The following GRID2 variants were observed in gnomAD, a reference collection of about 807,000 sequenced individuals.
The protein encoded by GRID2 is glutamate receptor ionotropic, delta-2.
GRID2 carries 33 observed loss-of-function variants against 114.8 expected under a neutral mutation model. The observed-to-expected ratio is 0.29, with a 90% CI of 0.22 to 0.38. The LOEUF is 0.38. GRID2 is among the 10% of genes least tolerant of loss of function. The pLI is 1.00. For synonymous variants in GRID2, 505 were observed against 449.9 expected, an observed-to-expected ratio of 1.12 and a Z score of -1.55; for missense variants, 1,184 against 1,257.7, an observed-to-expected ratio of 0.94 and a Z score of 0.89.
At chr4:92,457,598 C>T (rs931519535) in intron 1 of GRID2, among the ~76,000 whole-genome samples, 7 of 152,142 alleles carry the variant, frequency 4.6e-5, no homozygotes, top group African/African-American at 1.7e-4. Context: ...ATAACTTACT[C>T]ATTATAATTT....
rs140671295 is a variant in GRID2, at chr4:92,888,572, C to T, written c.245-196423C>T. Among the ~76,000 whole-genome samples, 7 of 152,002 alleles carry T rather than the reference C, an allele frequency of 4.6e-5. No homozygotes were observed. In the East Asian group the frequency reaches 1.4e-3, roughly 29 times the overall value. ...CTGGGGGGATGAAACTAACGTCTTTCAGTAAGTAAATGTTTAATTTTACAC... is the reference window on the plus strand; with the variant it reads ...CTGGGGGGATGAAACTAACGTCTTTTAGTAAGTAAATGTTTAATTTTACAC... On this transcript the variant is annotated intron_variant, in intron 2 of 15. Transcript: ENST00000282020.
chr4:92,408,223 T>G (rs1447433477), intron 1 of GRID2, among the ~76,000 whole-genome samples: 2 of 152,172 alleles, frequency 1.3e-5, no homozygotes, highest in East Asian at 1.9e-4. Context: ...TTGCTTATTT[T>G]TATTGATTTT....
At chr4:93,171,548 T>C (rs1738821452) in intron 4 of GRID2, among the ~76,000 whole-genome samples, 1 of 152,204 alleles carries the variant, frequency 6.6e-6, no homozygotes, top group Non-Finnish European at 1.5e-5. Context: ...GTAAGCTTCA[T>C]GAACAAACAG....
In GRID2 at chr4:92,531,923, C is replaced by T. The variant is rs985548418; in HGVS notation, c.89-58208C>T. Among the ~76,000 whole-genome samples the T allele has an allele frequency of 5.9e-5, 9 of 152,204 alleles. No homozygotes were observed. The South Asian group carries it at 1.0e-3, about 18-fold the overall frequency. ...ACTTATGTTTAGAGCAGCTCATTAA[C>T]GCAGGCCCTACTAGCAAATATCTTT... is the stretch of plus-strand genomic sequence containing the variant. On this transcript the variant is annotated intron_variant, in intron 1 of 15. Transcript: ENST00000282020.
intron 1 of GRID2, among the ~76,000 whole-genome samples, chr4:92,586,354 C>T (rs1217424469): frequency 7.9e-6 from 1 of 125,976 alleles, no homozygotes; most frequent in Non-Finnish European, 1.7e-5. Context: ...CACAAAAAAT[C>T]TACACACACA....
intron 2 of GRID2, among the ~76,000 whole-genome samples, chr4:92,844,040 TAAAA>T (rs548936919): frequency 6.6e-6 from 1 of 152,114 alleles, no homozygotes; most frequent in Non-Finnish European, 1.5e-5. Flanking sequence ...ACTGATTTAA[TAAAA>T]AAACTTTATT....
intron 2 of GRID2, among the ~76,000 whole-genome samples, chr4:92,682,617 CA>C (rs1410219023): frequency 6.6e-6 from 1 of 151,890 alleles, no homozygotes; most frequent in Non-Finnish European, 1.5e-5. Flanking sequence ...AAGAGACACC[CA>C]GGGGCAATCA....
intron 8 of GRID2, among the ~76,000 whole-genome samples, chr4:93,241,859 G>T (rs1035995538): frequency 1.3e-5 from 2 of 151,648 alleles, no homozygotes; most frequent in Non-Finnish European, 2.9e-5. Context: ...TTGTGAAGTT[G>T]TTGGGAGAGA....
chr4:92,854,841 T>C (rs1050241687), intron 2 of GRID2, among the ~76,000 whole-genome samples: 1 of 151,990 alleles, frequency 6.6e-6, no homozygotes, highest in Admixed American at 6.6e-5. Context: ...TTATAGTTTA[T>C]AGAACAATGT....
rs186241475 is a variant in GRID2, at chr4:93,662,699, C to A, written c.2360+36264C>A. ...AAATTGGGAGCAATGTTTGTAGTAG[C>A]ATGAGAGTTTATATTAGGCTATCAA... On this transcript the variant is annotated intron_variant, in intron 14 of 15. Transcript: ENST00000282020. 1.3e-3 allele frequency among the ~76,000 whole-genome samples: 195 copies of A among 152,194 alleles called. 3 individuals carry two copies. The highest frequency in any genetic ancestry group is 9.3e-3 in the Admixed American group (142 of 15,284).
intron 2 of GRID2, among the ~76,000 whole-genome samples, chr4:92,762,202 C>T (rs944315891): frequency 5.3e-5 from 8 of 152,032 alleles, no homozygotes; most frequent in South Asian, 2.1e-4. Flanking sequence ...CGTGAGCCAC[C>T]GCGCCCAGCC....
intron 2 of GRID2, among the ~76,000 whole-genome samples, chr4:93,051,591 G>A (rs544696518): frequency 3.3e-5 from 5 of 152,130 alleles, no homozygotes; most frequent in South Asian, 2.1e-4. Context: ...GTCTGAGATC[G>A]CTGAAGAAGC....
chr4:92,427,303 T>TA (rs1156254520), intron 1 of GRID2, among the ~76,000 whole-genome samples: 1 of 152,142 alleles, frequency 6.6e-6, no homozygotes, highest in African/African-American at 2.4e-5. Flanking sequence ...CCCTAAAACG[T>TA]ATGACAAATA....
chr4:93,126,246 T>A (rs1579060662), intron 4 of GRID2, among the ~76,000 whole-genome samples: 1 of 152,350 alleles, frequency 6.6e-6, no homozygotes, highest in Non-Finnish European at 1.5e-5. Flanking sequence ...TGATAATTTT[T>A]AATTTTTTTT....
chr4:93,250,921 T>C (rs1377892493), intron 8 of GRID2, among the ~76,000 whole-genome samples: 4 of 151,894 alleles, frequency 2.6e-5, no homozygotes, highest in South Asian at 4.1e-4. Flanking sequence ...TTTCTTGTTA[T>C]AGTCCTGGTT....
chr4:93,074,125 C>A (rs924616015), intron 2 of GRID2, among the ~76,000 whole-genome samples: 4 of 152,212 alleles, frequency 2.6e-5, no homozygotes, highest in African/African-American at 9.6e-5. Flanking sequence ...TAGCAGCCTG[C>A]TGCTAGAGGA....
At chr4:92,755,132 T>G (rs2149341583) in intron 2 of GRID2, among the ~76,000 whole-genome samples, 1 of 152,212 alleles carries the variant, frequency 6.6e-6, no homozygotes, top group African/African-American at 2.4e-5. Flanking sequence ...TTCCCAGGGG[T>G]CTACACGTCA....
chr4:92,406,275 A>G (rs955789813), intron 1 of GRID2, among the ~76,000 whole-genome samples: 3 of 152,218 alleles, frequency 2.0e-5, no homozygotes, highest in African/African-American at 7.2e-5. Context: ...TAATAAAACT[A>G]ATACATAACT....
At chr4:93,498,613 C>T (rs780345346) in intron 12 of GRID2, among the ~76,000 whole-genome samples, 6 of 151,724 alleles carry the variant, frequency 4.0e-5, no homozygotes, top group Non-Finnish European at 7.4e-5. Flanking sequence ...TAGATCCTTT[C>T]GGATTTCCTA....
Sources: allele counts gnomAD v4.1 joint callset (sites outside exome capture counted in the v4.1 genomes callset), GRCh38; gene constraint gnomAD v4.1.1; transcripts MANE v1.5; gene names NCBI Gene and HGNC (gene_info 2026-07-23, HGNC 2026-07-21).